The following CDH4 variants were observed in gnomAD, a reference collection of about 807,000 sequenced individuals.
The protein encoded by CDH4 is cadherin 4.
CDH4 carries 33 observed loss-of-function variants against 86.0 expected under a neutral mutation model. That is an observed-to-expected ratio of 0.38 (90% CI 0.29 to 0.51). The LOEUF is 0.51. Among genes scored for constraint, CDH4 ranks in the 20% least tolerant of loss-of-function variants. The probability of loss-of-function intolerance (pLI) is 0.86; values close to 1 mark genes in which losing one functional copy is unlikely to be tolerated. For missense variants in CDH4, 1,114 were observed against 1,307.4 expected (o/e 0.85, Z 2.28); for synonymous variants, 555 against 549.4 (o/e 1.01, Z -0.14).
intron 2 of CDH4, among the ~76,000 whole-genome samples, chr20:61,297,364 GGAC>G (rs1293250429): frequency 6.6e-6 from 1 of 152,190 alleles, no homozygotes; most frequent in African/African-American, 2.4e-5. Context: ...ACTCCAGCCT[GGAC>G]GACAAGAGCG....
At position 61,324,444 on chromosome 20, in the gene CDH4, C is replaced by G. The variant is rs76145336; in HGVS notation, c.169+69507C>G. 3.7e-3 allele frequency among the ~76,000 whole-genome samples: 562 copies of G among 152,252 alleles called. 5 individuals carry two copies. Among genetic ancestry groups the G allele is most frequent in the African/African-American group, 0.013 (530 of 41,542 alleles). ...CCCTCCGGTAGTTCTAGGGGAGGAC[C>G]CTTCCTGACTTTGGCCAGCTCCTGG... On this transcript the variant is annotated intron_variant, in intron 2 of 15. Transcript: ENST00000614565.
chr20:61,894,631 G>A (rs1172289847), intron 7 of CDH4, among the ~76,000 whole-genome samples: 1 of 152,110 alleles, frequency 6.6e-6, no homozygotes, highest in African/African-American at 2.4e-5. Flanking sequence ...CACCAAACGT[G>A]ATCTGCCCCT....
At chr20:61,550,032 C>T (rs958324287) in intron 2 of CDH4, among the ~76,000 whole-genome samples, 2 of 150,728 alleles carry the variant, frequency 1.3e-5, no homozygotes, top group African/African-American at 5.0e-5. Flanking sequence ...CTTGTCCTGG[C>T]CTCCCTGGCC....
At chr20:61,891,715 C>T (rs946333300) in intron 7 of CDH4, among the ~76,000 whole-genome samples, 1 of 152,250 alleles carries the variant, frequency 6.6e-6, no homozygotes, top group Non-Finnish European at 1.5e-5. Flanking sequence ...TCACCCTGTT[C>T]TGGGTGGGAG....
chr20:61,531,664 G>A (rs529401460), intron 2 of CDH4, among the ~76,000 whole-genome samples: 8 of 152,318 alleles, frequency 5.3e-5, no homozygotes, highest in Admixed American at 2.0e-4. Flanking sequence ...GGGGTGGGCT[G>A]GAGGGCAGCG....
chr20:61,771,699 T>G (rs1482126427), intron 3 of CDH4, among the ~76,000 whole-genome samples: 1 of 151,938 alleles, frequency 6.6e-6, no homozygotes, highest in African/African-American at 2.4e-5. Flanking sequence ...CTCCACTTAC[T>G]AATATTTTAT....
rs1386262973 is a variant in CDH4, at chr20:61,254,945, G to A, written c.169+8G>A. The stretch of plus-strand genomic sequence containing the variant: ...GGGAAAAGCTACTTCAAGGTAAGGC[G>A]GGGTGTGGAGGGGTGGGAGTGAATT... On this transcript the variant is annotated splice_region_variant and intron_variant, in intron 2 of 15. Coordinates refer to ENST00000614565, the MANE Select transcript of CDH4 (RefSeq NM_001794.5). The A allele has an allele frequency of 4.2e-6, 6 of 1,444,908 alleles. No homozygotes were observed. Among genetic ancestry groups the A allele is most frequent in the African/African-American group, 2.8e-5 (2 of 71,588 alleles). 89.5% of individuals were successfully genotyped at this position (1,444,908 alleles called of 1,614,324 possible).
chr20:61,537,843 T>C (rs2086009061), intron 2 of CDH4, among the ~76,000 whole-genome samples: 1 of 152,084 alleles, frequency 6.6e-6, no homozygotes, highest in Admixed American at 6.5e-5. Context: ...TCCCCTTGAG[T>C]GACAGAAACA....
At chr20:61,924,622 G>A (rs2055024957) in intron 11 of CDH4, 146 bp downstream of exon 11, 1 of 838,424 alleles carries the variant, frequency 1.2e-6, no homozygotes, top group Non-Finnish European at 1.8e-6. Context: ...GGGCATCTGT[G>A]CAGACACCGG....
chr20:61,391,650 C>G (rs546935721), intron 2 of CDH4, among the ~76,000 whole-genome samples: 7 of 152,176 alleles, frequency 4.6e-5, no homozygotes, highest in African/African-American at 2.4e-5. Flanking sequence ...GTTAGTAAGA[C>G]AGTTGGTCCA....
At chr20:61,930,212 G>A (rs1274058459) in intron 13 of CDH4, among the ~76,000 whole-genome samples, 4 of 152,174 alleles carry the variant, frequency 2.6e-5, no homozygotes, top group Admixed American at 1.3e-4. Flanking sequence ...GCCTGTTAGC[G>A]TCCCCATCCA....
chr20:61,379,048 C>T (rs2084886357), intron 2 of CDH4, among the ~76,000 whole-genome samples: 1 of 152,120 alleles, frequency 6.6e-6, no homozygotes, highest in African/African-American at 2.4e-5. Context: ...TTCTGTTTTC[C>T]ACCTATGCAA....
At chr20:61,831,778 G>A (rs1379635221) in intron 4 of CDH4, among the ~76,000 whole-genome samples, 1 of 152,254 alleles carries the variant, frequency 6.6e-6, no homozygotes, top group Non-Finnish European at 1.5e-5. Context: ...GATTCCCAGC[G>A]TTAAGGGGAG....
intron 2 of CDH4, among the ~76,000 whole-genome samples, chr20:61,593,756 GTTATTGTAAAGATTC>G (rs1407307011): frequency 6.6e-6 from 1 of 151,906 alleles, no homozygotes; most frequent in African/African-American, 2.4e-5. Context: ...ACATCTGAAT[GTTATTGTAAAGATTC>G]TTGGACATAG....
chr20:61,573,804 T>G (rs1190915988), intron 2 of CDH4, among the ~76,000 whole-genome samples: 1 of 152,192 alleles, frequency 6.6e-6, no homozygotes, highest in East Asian at 1.9e-4. Flanking sequence ...GTATATAAAC[T>G]GCATATAAAC....
intron 2 of CDH4, among the ~76,000 whole-genome samples, chr20:61,734,166 C>T (rs540534423): frequency 2.0e-5 from 3 of 152,336 alleles, no homozygotes; most frequent in Non-Finnish European, 4.4e-5. Context: ...TCACTGCACC[C>T]GTCACTGCCG....
At chr20:61,556,481 A>G (rs1187408560) in intron 2 of CDH4, among the ~76,000 whole-genome samples, 2 of 152,162 alleles carry the variant, frequency 1.3e-5, no homozygotes, top group Non-Finnish European at 2.9e-5. Context: ...CAGCAGAAGG[A>G]TCTTTTAAGA....
chr20:61,444,479 T>G (rs1380290771), intron 2 of CDH4, among the ~76,000 whole-genome samples: 10 of 134,864 alleles, frequency 7.4e-5, no homozygotes, highest in Non-Finnish European at 1.4e-4. Context: ...GCATGAGTGT[T>G]TCTCTGTGTG....
intron 2 of CDH4, among the ~76,000 whole-genome samples, chr20:61,453,665 T>A (rs577008428): frequency 7.9e-5 from 12 of 152,176 alleles, no homozygotes; most frequent in Non-Finnish European, 1.0e-4. Flanking sequence ...TTCTATGTAT[T>A]TAAAAACCAA....
Sources: gnomAD v4.1 joint callset for allele counts (sites outside exome capture counted in the v4.1 genomes callset) on GRCh38, gnomAD v4.1.1 for gene constraint, MANE v1.5 for transcripts, NCBI Gene and HGNC (gene_info 2026-07-23, HGNC 2026-07-21) for gene names.